Variants in CAPZA1 observed in about 807,000 individuals in gnomAD.
The protein encoded by CAPZA1 is F-actin-capping protein subunit alpha-1.
A neutral mutation model predicts 40.8 loss-of-function variants in CAPZA1; 10 were observed. That is an observed-to-expected ratio of 0.25 (90% CI 0.15 to 0.42). CAPZA1 has a LOEUF of 0.42. Among genes scored for constraint, CAPZA1 ranks in the 10% least tolerant of loss-of-function variants. The pLI is 1.00. For synonymous variants in CAPZA1, 98 were observed against 115.0 expected, an observed-to-expected ratio of 0.85 and a Z score of 0.95; for missense variants, 277 against 353.8, an observed-to-expected ratio of 0.78 and a Z score of 1.74.
Position 112,671,272 on chromosome 1 carries a change from A to G in CAPZA1, c.*1140A>G, listed in dbSNP as rs1179849332. 2.6e-5 allele frequency: 4 copies of G among 152,652 alleles called. No individual in the cohort carries two copies. The highest frequency in any genetic ancestry group is 5.9e-5 in the Non-Finnish European group (4 of 68,036). The allele number at this position is 152,652 out of a possible 1,614,324, so 9.5% of individuals were successfully genotyped here. A position where few individuals can be genotyped will look rare whatever the true frequency, so the allele number is the denominator to read the frequency against. On this transcript the variant is annotated 3_prime_UTR_variant, in exon 10 of 10. Transcript: ENST00000263168. Reference sequence around the variant, plus strand: ...TGTGTAATCTCAGAATACACAGGTGACATAGATATGATATGACAACTGGTA... The same window carrying G: ...TGTGTAATCTCAGAATACACAGGTGGCATAGATATGATATGACAACTGGTA...
chr1:112,631,473 G>T (rs188805647), intron 1 of CAPZA1, among the ~76,000 whole-genome samples: 351 of 152,158 alleles, frequency 2.3e-3, no homozygotes, highest in African/African-American at 7.8e-3. Flanking sequence ...AGTAAAGCTG[G>T]CATGTGAAAC....
At chr1:112,631,168 C>G (rs958967733) in intron 1 of CAPZA1, among the ~76,000 whole-genome samples, 7 of 152,232 alleles carry the variant, frequency 4.6e-5, no homozygotes, top group Non-Finnish European at 1.0e-4. Context: ...ACCTCTTTGA[C>G]AATCCTACTC....
At chr1:112,647,496 G>A (rs571983893) in intron 2 of CAPZA1, among the ~76,000 whole-genome samples, 2 of 152,322 alleles carry the variant, frequency 1.3e-5, no homozygotes, top group South Asian at 2.1e-4. Flanking sequence ...AAATTAGGAT[G>A]CCTATCTTAT....
At chr1:112,639,784 AG>A (rs1479144768) in intron 1 of CAPZA1, among the ~76,000 whole-genome samples, 2 of 142,272 alleles carry the variant, frequency 1.4e-5, no homozygotes, top group Non-Finnish European at 3.1e-5. Flanking sequence ...CCGGGAGGTG[AG>A]GGGCGCCTCT....
At chr1:112,658,936 G>A (rs1296407307) in intron 5 of CAPZA1, 86 bp from the exon 6 acceptor site, 2 of 970,774 alleles carry the variant, frequency 2.1e-6, no homozygotes, top group Admixed American at 1.8e-5. Context: ...CTCCCCCAAG[G>A]ATTTAACACT....
intron 3 of CAPZA1, among the ~76,000 whole-genome samples, chr1:112,652,449 A>AG (rs1385695420): frequency 6.7e-6 from 1 of 149,036 alleles, no homozygotes; most frequent in Admixed American, 6.8e-5. Flanking sequence ...ATTGCACTCC[A>AG]GCCTGGGCAA....
At position 112,619,870 on chromosome 1, in the gene CAPZA1, C is replaced by T. The variant is rs200758434; in HGVS notation, c.26C>T (p.Ser9Leu). 99 of 1,612,458 alleles carry T rather than the reference C, an allele frequency of 6.1e-5. 1 individual carries two copies. The highest frequency in any genetic ancestry group is 2.0e-4 in the Admixed American group (12 of 59,838). Residue 9 changes from serine (S) to leucine (L), a missense_variant, in exon 1 of 10, where the codon TCG becomes TTG. Ser to Leu is a moderately radical substitution (Grantham distance 145). Coordinates refer to ENST00000263168, the MANE Select transcript of CAPZA1 (RefSeq NM_006135.3). ...ATGGCCGACTTCGATGATCGTGTGT[C>T]GGATGAGGAGAAGGTAAGGGGTCCG... MADFDDRV[S>L]DEEKVRIAAK...
chr1:112,662,130 G>A (rs910983401), intron 7 of CAPZA1, among the ~76,000 whole-genome samples: 10 of 152,106 alleles, frequency 6.6e-5, no homozygotes, highest in South Asian at 2.1e-4. Context: ...TTCTTGAAAC[G>A]GTGTATCTCA....
chr1:112,641,382 T>C (rs1240121194), intron 1 of CAPZA1, among the ~76,000 whole-genome samples: 2 of 152,158 alleles, frequency 1.3e-5, no homozygotes, highest in Non-Finnish European at 2.9e-5. Flanking sequence ...ATTTAGTAGC[T>C]ATACATAGGT....
At chr1:112,638,351 G>A (rs923307493) in intron 1 of CAPZA1, among the ~76,000 whole-genome samples, 3 of 152,070 alleles carry the variant, frequency 2.0e-5, no homozygotes, top group Non-Finnish European at 4.4e-5. Context: ...GTCTCACTCT[G>A]TCACCAAGGC....
At chr1:112,669,751 T>C in intron 9 of CAPZA1, 146 bp downstream of exon 9, 1 of 779,618 alleles carries the variant, frequency 1.3e-6, no homozygotes, top group Non-Finnish European at 2.1e-6. Flanking sequence ...ACCTTCCAAG[T>C]TGGCATTCTG....
intron 8 of CAPZA1, among the ~76,000 whole-genome samples, chr1:112,667,595 A>T (rs1671747967): frequency 6.6e-6 from 1 of 152,202 alleles, no homozygotes; most frequent in South Asian, 2.1e-4. Flanking sequence ...AAGGAAGGAC[A>T]TGATCACAGC....
intron 7 of CAPZA1, among the ~76,000 whole-genome samples, chr1:112,665,179 T>C (rs1232525810): frequency 1.6e-4 from 2 of 12,124 alleles, no homozygotes; most frequent in Non-Finnish European, 4.4e-4. Context: ...TTTTTTTGTG[T>C]TTTTTTTTTT....
intron 1 of CAPZA1, among the ~76,000 whole-genome samples, chr1:112,643,094 C>CA (rs34443777): frequency 2.6e-5 from 4 of 151,326 alleles, no homozygotes; most frequent in Admixed American, 2.0e-4. Flanking sequence ...ACAAATAGAC[C>CA]AAAAAAAAAG....
chr1:112,654,441 A>G (rs894250287), intron 4 of CAPZA1, 24 bp from the exon 5 acceptor site: 5 of 1,514,240 alleles, frequency 3.3e-6, no homozygotes, highest in Non-Finnish European at 4.6e-6. Flanking sequence ...ACAGTTACTC[A>G]TATGTTTAAT....
chr1:112,662,659 A>G (rs190430708), intron 7 of CAPZA1, among the ~76,000 whole-genome samples: 48 of 151,996 alleles, frequency 3.2e-4, no homozygotes, highest in Admixed American at 2.9e-3. Flanking sequence ...CAGCTTCCCA[A>G]AATGCTGGGA....
At chr1:112,623,471 G>GGGAGTTTGAGACC (rs1670725626) in intron 1 of CAPZA1, among the ~76,000 whole-genome samples, 1 of 151,850 alleles carries the variant, frequency 6.6e-6, no homozygotes. Context: ...ATCTGAGGTC[G>GGGAGTTTGAGACC]GGAGTTTGAG....
intron 5 of CAPZA1, among the ~76,000 whole-genome samples, chr1:112,658,048 C>T (rs1004843279): frequency 6.6e-6 from 1 of 152,192 alleles, no homozygotes; most frequent in Non-Finnish European, 1.5e-5. Flanking sequence ...TTACCACTTC[C>T]TGAGTGACCT....
chr1:112,659,333 A>G (rs1671557289), intron 6 of CAPZA1: 1 of 548,026 alleles, frequency 1.8e-6, no homozygotes, highest in South Asian at 2.4e-5. Flanking sequence ...CCTGTTGAAA[A>G]TCTGAGTTTT....
Sources: gnomAD v4.1 joint callset for allele counts (sites outside exome capture counted in the v4.1 genomes callset) on GRCh38, gnomAD v4.1.1 for gene constraint, MANE v1.5 for transcripts, NCBI Gene and HGNC (gene_info 2026-07-23, HGNC 2026-07-21) for gene names.